Variants in EPYC observed in about 807,000 individuals in gnomAD.
EPYC encodes epiphycan.
Under a neutral mutation model 30.1 loss-of-function variants are expected in EPYC, and 28 were observed. The ratio of observed to expected loss-of-function variants is 0.93; its 90% CI spans 0.69 to 1.28. EPYC has a LOEUF of 1.28. Among genes scored for constraint, EPYC ranks in the 50% most tolerant of loss-of-function variants. The pLI is 0.00. For missense variants in EPYC, 382 were observed against 383.5 expected, an observed-to-expected ratio of 1.00 and a Z score of 0.03; for synonymous variants, 144 against 141.4, an observed-to-expected ratio of 1.02 and a Z score of -0.13.
At chr12:90,980,051 G>A (rs574067193) in intron 2 of EPYC, among the ~76,000 whole-genome samples, 101 of 152,182 alleles carry the variant, frequency 6.6e-4, no homozygotes, top group African/African-American at 2.0e-3. Flanking sequence ...AAAGACATAC[G>A]GTTTCCATCT....
chr12:91,000,385 A>G (rs1877795001), intron 2 of EPYC, among the ~76,000 whole-genome samples: 1 of 152,106 alleles, frequency 6.6e-6, no homozygotes, highest in Non-Finnish European at 1.5e-5. Context: ...CTAAGATAAT[A>G]TTGTATATTA....
At position 90,972,888 on chromosome 12, in the gene EPYC, T is replaced by C. The variant is rs1413932975; in HGVS notation, c.433A>G (p.Thr145Ala). ...LDAIPPLPKN[T>A]AYFYSRFNRI... ...TTAAAGCGGGAATAGAAATAAGCGG[T>C]GTTCTTTGGCAGCGGAGGAATAGCA... Residue 145 changes from threonine to alanine, a missense_variant, in exon 4 of 7, where the codon ACC becomes GCC. Coordinates refer to ENST00000261172, the MANE Select transcript of EPYC (RefSeq NM_004950.5). The C allele has an allele frequency of 6.2e-7, 1 of 1,613,694 alleles. No homozygotes were observed. Among genetic ancestry groups the C allele is most frequent in the South Asian group, 1.1e-5 (1 of 91,072 alleles).
rs747181510 is a variant in EPYC, at chr12:90,971,944, T to G, written c.558A>C (p.Ala186=). ...SNLISEIDED[A]FRKLPQLREL... is the part of the protein sequence containing the mutation. ...CTCGAAGTTGAGGCAGTTTTCGGAA[T>G]GCATCTTCATCAATCTCAGATATTA... Residue 186 remains alanine (A), a synonymous_variant, in exon 5 of 7, where the codon GCA becomes GCC. Coordinates refer to ENST00000261172, the MANE Select transcript of EPYC (RefSeq NM_004950.5). The G allele has an allele frequency of 2.2e-5, 36 of 1,610,598 alleles. No individual in the cohort carries two copies. Among genetic ancestry groups the G allele is most frequent in the Non-Finnish European group, 3.1e-5 (36 of 1,178,388 alleles).
Position 90,964,407 on chromosome 12 carries a change from C to A in EPYC, c.799-81G>T, listed in dbSNP as rs1876843647. 3 of 980,806 alleles carry A rather than the reference C, an allele frequency of 3.1e-6. No individual in the cohort carries two copies. In the Admixed American group the frequency reaches 7.8e-5, roughly 25 times the overall value. 60.8% of individuals were successfully genotyped at this position (980,806 alleles called of 1,614,324 possible). A position where few individuals can be genotyped will look rare whatever the true frequency, so the allele number is the denominator to read the frequency against. ...GATAGCGCAGTCCACTGTGCTTCAC[C>A]CTTGTTTTTATTCTTTTGTTATTTT... On this transcript the variant is annotated intron_variant, in intron 6 of 6. Transcript: ENST00000261172.
chr12:90,966,261 G>A (rs1015586928), intron 6 of EPYC, among the ~76,000 whole-genome samples: 1 of 151,998 alleles, frequency 6.6e-6, no homozygotes, highest in Non-Finnish European at 1.5e-5. Flanking sequence ...TGAAGATGAT[G>A]TTAGCCTGAG....
At chr12:90,998,434 A>G (rs1877746528) in intron 2 of EPYC, among the ~76,000 whole-genome samples, 2 of 152,126 alleles carry the variant, frequency 1.3e-5, no homozygotes, top group South Asian at 4.1e-4. Flanking sequence ...AGATCATGAG[A>G]AATCACACAA....
chr12:90,984,551 T>A (rs1459905652), intron 2 of EPYC, among the ~76,000 whole-genome samples: 1 of 152,102 alleles, frequency 6.6e-6, no homozygotes, highest in East Asian at 1.9e-4. Context: ...AAGTATAAAT[T>A]ATAATACTAT....
intron 3 of EPYC, among the ~76,000 whole-genome samples, chr12:90,975,213 T>C (rs11105892): frequency 0.067 from 10,142 of 152,208 alleles, 576 homozygotes; most frequent in South Asian, 0.2. Flanking sequence ...TAATATTTTC[T>C]ACTCATAAAA....
chr12:90,970,222 T>C, intron 5 of EPYC, 83 bp from the exon 6 acceptor site: 1 of 937,782 alleles, frequency 1.1e-6, no homozygotes, highest in Non-Finnish European at 1.7e-6. Flanking sequence ...GTATTTCCCA[T>C]TCCCTCTACA....
chr12:90,982,103 T>C (rs1276376697), intron 2 of EPYC, among the ~76,000 whole-genome samples: 1 of 152,156 alleles, frequency 6.6e-6, no homozygotes, highest in Non-Finnish European at 1.5e-5. Context: ...AGTCTTCATT[T>C]TATTTGTCAA....
At chr12:90,992,812 T>C (rs1218607077) in intron 2 of EPYC, among the ~76,000 whole-genome samples, 1 of 152,200 alleles carries the variant, frequency 6.6e-6, no homozygotes, top group African/African-American at 2.4e-5. Flanking sequence ...GTAGAGTTTC[T>C]GATTCCCTAG....
At chr12:90,989,412 G>C (rs1475830265) in intron 2 of EPYC, among the ~76,000 whole-genome samples, 5 of 151,990 alleles carry the variant, frequency 3.3e-5, no homozygotes, top group Admixed American at 1.3e-4. Flanking sequence ...ATATTTGCAA[G>C]TCAAATATCA....
chr12:90,976,098 G>A (rs1877170846), intron 3 of EPYC, among the ~76,000 whole-genome samples: 1 of 151,946 alleles, frequency 6.6e-6, no homozygotes, highest in South Asian at 2.1e-4. Flanking sequence ...GGGATGAAAG[G>A]GCAACTTTTC....
intron 2 of EPYC, among the ~76,000 whole-genome samples, chr12:90,993,182 C>T (rs954456860): frequency 2.6e-5 from 4 of 152,144 alleles, no homozygotes; most frequent in African/African-American, 7.2e-5. Flanking sequence ...GTTCCCCTTC[C>T]CTTTTGGGGA....
intron 2 of EPYC, among the ~76,000 whole-genome samples, chr12:90,992,988 A>T (rs1877620508): frequency 1.6e-5 from 2 of 128,866 alleles, no homozygotes; most frequent in South Asian, 6.0e-4. Context: ...GTTTGAGTAC[A>T]CAGGTTACAG....
Position 90,979,774 on chromosome 12 carries a change from T to A in EPYC, c.166-1512A>T, listed in dbSNP as rs545679813. On this transcript the variant is annotated intron_variant, in intron 2 of 6. Coordinates refer to ENST00000261172, the MANE Select transcript of EPYC (RefSeq NM_004950.5). ...TCTGTGTACCTCTAGGCTGTAAGCA[T>A]AATAGGCAATCAGCAAGTACTTATT... Among the ~76,000 whole-genome samples the A allele has an allele frequency of 5.6e-4, 85 of 152,254 alleles. 1 individual carries two copies. The highest frequency in any genetic ancestry group is 1.9e-3 in the African/African-American group (80 of 41,570).
chr12:90,981,330 T>G (rs1242414003), intron 2 of EPYC, among the ~76,000 whole-genome samples: 1 of 152,164 alleles, frequency 6.6e-6, no homozygotes, highest in Non-Finnish European at 1.5e-5. Flanking sequence ...TGTCTCAGAC[T>G]AAGTTTCTGC....
intron 3 of EPYC, among the ~76,000 whole-genome samples, chr12:90,976,137 C>T (rs1181364260): frequency 2.0e-5 from 3 of 151,960 alleles, no homozygotes; most frequent in African/African-American, 7.2e-5. Flanking sequence ...CAGTTAAAAA[C>T]TCAAAGAGGC....
chr12:90,984,156 G>A (rs559050831), intron 2 of EPYC, among the ~76,000 whole-genome samples: 78 of 152,214 alleles, frequency 5.1e-4, no homozygotes, highest in Non-Finnish European at 8.2e-4. Context: ...ACAGGAAAAC[G>A]CTTAGGACTC....
Sources: gnomAD v4.1 joint callset for allele counts (sites outside exome capture counted in the v4.1 genomes callset) on GRCh38, gnomAD v4.1.1 for gene constraint, MANE v1.5 for transcripts, NCBI Gene and HGNC (gene_info 2026-07-23, HGNC 2026-07-21) for gene names.